Variants in KIAA1328 observed in about 807,000 individuals in gnomAD.
KIAA1328 encodes protein hinderin.
Under a neutral mutation model 68.1 loss-of-function variants are expected in KIAA1328, and 52 were observed. That is an observed-to-expected ratio of 0.76 (90% CI 0.61 to 0.96). The LOEUF (loss-of-function observed/expected upper bound fraction) is 0.96. Among genes scored for constraint, KIAA1328 ranks in the 40% least tolerant of loss-of-function variants. KIAA1328 has a pLI of 0.00. For missense variants in KIAA1328, 641 were observed against 677.6 expected (o/e 0.95, Z 0.60); for synonymous variants, 232 against 239.4 (o/e 0.97, Z 0.28).
intron 6 of KIAA1328, among the ~76,000 whole-genome samples, chr18:37,016,629 T>G (rs1222712715): frequency 3.3e-5 from 5 of 152,174 alleles, no homozygotes; most frequent in Non-Finnish European, 7.4e-5. Context: ...TTTTTATTAC[T>G]GATTCAATTT....
chr18:37,084,476 G>GTTT (rs1174581418), intron 7 of KIAA1328: 42 of 130,224 alleles, frequency 3.2e-4, no homozygotes, highest in Non-Finnish European at 4.4e-4. Flanking sequence ...TTTGTTTTTT[G>GTTT]TTTTTTTTTT....
chr18:37,068,584 A>G (rs1313701576), intron 7 of KIAA1328, among the ~76,000 whole-genome samples: 1 of 152,116 alleles, frequency 6.6e-6, no homozygotes, highest in Non-Finnish European at 1.5e-5. Flanking sequence ...GTAATGTTGA[A>G]CATCTTTTTG....
rs1458380954 is a variant in KIAA1328 at position 36,996,120 on chromosome 18, T to TA, written c.576+36685_576+36686insA. 3.3e-5 allele frequency among the ~76,000 whole-genome samples: 5 copies of TA among 152,188 alleles called. No homozygotes were observed. The South Asian group carries it at 6.2e-4, about 19-fold the overall frequency. On this transcript the variant is annotated intron_variant, in intron 6 of 9. Coordinates refer to ENST00000280020, the MANE Select transcript of KIAA1328 (RefSeq NM_020776.3). ...TAACTTGCCCAAGGTTACACAGGTATTATTAGGCACACTCCTCAAACCTGA... is the reference window on the plus strand; with the variant it reads ...TAACTTGCCCAAGGTTACACAGGTATATATTAGGCACACTCCTCAAACCTGA...
At chr18:36,846,848 A>G (rs918858778) in intron 4 of KIAA1328, among the ~76,000 whole-genome samples, 1 of 151,536 alleles carries the variant, frequency 6.6e-6, no homozygotes, top group African/African-American at 2.4e-5. Context: ...AAGTACATTC[A>G]TAGTGCTGTG....
chr18:37,229,159 C>T (rs548713639), downstream of KIAA1328, among the ~76,000 whole-genome samples: 3 of 152,064 alleles, frequency 2.0e-5, no homozygotes, highest in South Asian at 2.1e-4. Context: ...AAACCCAGAC[C>T]GTGTGGGAGG....
At chr18:36,970,613 A>G (rs2052157716) in intron 6 of KIAA1328, among the ~76,000 whole-genome samples, 1 of 152,230 alleles carries the variant, frequency 6.6e-6, no homozygotes, top group African/African-American at 2.4e-5. Context: ...AAGTCTCAGG[A>G]TACAAAATCA....
At chr18:36,978,105 A>G (rs1021847366) in intron 6 of KIAA1328, among the ~76,000 whole-genome samples, 1 of 152,194 alleles carries the variant, frequency 6.6e-6, no homozygotes, top group Non-Finnish European at 1.5e-5. Flanking sequence ...TATGAAAGGA[A>G]TAAAGGGAAA....
At chr18:37,105,266 G>A (rs1366936588) in intron 7 of KIAA1328, among the ~76,000 whole-genome samples, 1 of 152,044 alleles carries the variant, frequency 6.6e-6, no homozygotes. Flanking sequence ...ACTTTGAGAG[G>A]CCAAGCCATG....
intron 6 of KIAA1328, among the ~76,000 whole-genome samples, chr18:37,020,441 A>C (rs1427987079): frequency 1.3e-5 from 2 of 152,228 alleles, no homozygotes; most frequent in Admixed American, 6.5e-5. Flanking sequence ...AGTATTTCTT[A>C]AAAATAGTTA....
At chr18:37,019,444 C>T (rs754968470) in intron 6 of KIAA1328, among the ~76,000 whole-genome samples, 20 of 152,192 alleles carry the variant, frequency 1.3e-4, no homozygotes, top group Non-Finnish European at 2.6e-4. Flanking sequence ...ATCAACCTCA[C>T]GGTGCCGGGA....
chr18:37,224,795 G>A lies in KIAA1328; in HGVS notation c.*2568G>A, dbSNP rs1311591277. ...GCAAGACTGGACACATGCCGAGGGCGTTGCGGATAGTGCCTCACCATTGCC... is the reference window on the plus strand; with the variant it reads ...GCAAGACTGGACACATGCCGAGGGCATTGCGGATAGTGCCTCACCATTGCC... On this transcript the variant is annotated 3_prime_UTR_variant, in exon 10 of 10. Coordinates refer to ENST00000280020, the MANE Select transcript of KIAA1328 (RefSeq NM_020776.3). 1.9e-5 allele frequency: 19 copies of A among 985,266 alleles called. No homozygotes were observed. Among genetic ancestry groups the A allele is most frequent in the Admixed American group, 1.2e-4 (2 of 16,250 alleles). 61.0% of individuals were successfully genotyped at this position (985,266 alleles called of 1,614,324 possible). A position where few individuals can be genotyped will look rare whatever the true frequency, so the allele number is the denominator to read the frequency against.
At chr18:36,832,957 C>T (rs961491349) in intron 1 of KIAA1328, 2 of 151,846 alleles carry the variant, frequency 1.3e-5, no homozygotes, top group African/African-American at 4.8e-5. Flanking sequence ...CTGCCTCAAC[C>T]TCTGGAGTAG....
intron 7 of KIAA1328, among the ~76,000 whole-genome samples, chr18:37,127,700 T>C (rs149872484): frequency 1.6e-3 from 247 of 152,314 alleles, no homozygotes; most frequent in African/African-American, 5.3e-3. Context: ...ATCAAACTCC[T>C]GGCAAGCTTT....
At chr18:36,929,927 T>C (rs1044582533) in intron 5 of KIAA1328, among the ~76,000 whole-genome samples, 5 of 152,118 alleles carry the variant, frequency 3.3e-5, no homozygotes, top group Non-Finnish European at 1.5e-5. Flanking sequence ...TGGGTGGTAG[T>C]GTTTTCTGAC....
chr18:36,996,636 A>T (rs1034667107), intron 6 of KIAA1328, among the ~76,000 whole-genome samples: 2 of 152,132 alleles, frequency 1.3e-5, no homozygotes, highest in African/African-American at 4.8e-5. Context: ...AAGTGAATAA[A>T]TGGGGATGAG....
At chr18:37,186,092 G>A (rs1054682474) in intron 9 of KIAA1328, among the ~76,000 whole-genome samples, 7 of 113,484 alleles carry the variant, frequency 6.2e-5, no homozygotes, top group African/African-American at 2.2e-4. Context: ...CTTCAAGGAT[G>A]TCTTTTTTTT....
intron 6 of KIAA1328, among the ~76,000 whole-genome samples, chr18:37,008,825 G>A (rs1223666869): frequency 6.6e-6 from 1 of 152,056 alleles, no homozygotes; most frequent in Admixed American, 6.6e-5. Flanking sequence ...TAAATTTGAA[G>A]ATAGGTCAAT....
chr18:36,970,485 G>T (rs1002117326), intron 6 of KIAA1328, among the ~76,000 whole-genome samples: 1 of 149,166 alleles, frequency 6.7e-6, no homozygotes, highest in South Asian at 2.2e-4. Flanking sequence ...GAAATAAATG[G>T]TATCCATATA....
At chr18:36,950,186 T>G (rs2051102719) in intron 5 of KIAA1328, among the ~76,000 whole-genome samples, 1 of 152,212 alleles carries the variant, frequency 6.6e-6, no homozygotes, top group African/African-American at 2.4e-5. Context: ...AGAAAATGAT[T>G]GTAAGGTGAG....
Sources: allele counts gnomAD v4.1 joint callset (sites outside exome capture counted in the v4.1 genomes callset), GRCh38; gene constraint gnomAD v4.1.1; transcripts MANE v1.5; gene names NCBI Gene and HGNC (gene_info 2026-07-23, HGNC 2026-07-21).